GPD1L: variants seen among roughly 807,000 people sequenced by gnomAD.
GPD1L encodes glycerol-3-phosphate dehydrogenase 1 like.
GPD1L carries 17 observed loss-of-function variants against 32.9 expected under a neutral mutation model. The ratio of observed to expected loss-of-function variants is 0.52; its 90% CI spans 0.35 to 0.78. The LOEUF is 0.78. GPD1L is among the 30% of genes least tolerant of loss of function. The pLI is 0.01. For synonymous variants in GPD1L, 187 were observed against 165.9 expected (o/e 1.13, Z -0.98); for missense variants, 361 against 447.8 (o/e 0.81, Z 1.75).
At position 32,110,223 on chromosome 3, in the gene GPD1L, C is replaced by T. The variant is rs147804987; in HGVS notation, c.47+3465C>T. Among the ~76,000 whole-genome samples, 162 of 152,364 alleles carry T rather than the reference C, an allele frequency of 1.1e-3. 1 individual carries two copies. Among genetic ancestry groups the T allele is most frequent in the African/African-American group, 3.8e-3 (156 of 41,588 alleles). ...GTAAGCCACTGCGCCCGGCCTAAATCGTGTTTCTTAAATTGTGGTCCCAAG... is the reference window on the plus strand; with the variant it reads ...GTAAGCCACTGCGCCCGGCCTAAATTGTGTTTCTTAAATTGTGGTCCCAAG... On this transcript the variant is annotated intron_variant, in intron 1 of 7. Coordinates refer to ENST00000282541, the MANE Select transcript of GPD1L (RefSeq NM_015141.4).
At chr3:32,121,393 G>A (rs1236006551) in intron 1 of GPD1L, among the ~76,000 whole-genome samples, 1 of 150,582 alleles carries the variant, frequency 6.6e-6, no homozygotes, top group Non-Finnish European at 1.5e-5. Flanking sequence ...CTCCTCCCCG[G>A]GTAAGGCCCA....
chr3:32,123,835 TAGATAGACAGAC>T (rs1466777086), intron 1 of GPD1L, among the ~76,000 whole-genome samples: 2,439 of 133,898 alleles, frequency 0.018, 33 homozygotes, highest in Admixed American at 0.043. Flanking sequence ...GATAGATAGA[TAGATAGACAGAC>T]AGATAAGACC....
chr3:32,139,993 A>C (rs1700717131), intron 3 of GPD1L, among the ~76,000 whole-genome samples: 1 of 152,198 alleles, frequency 6.6e-6, no homozygotes, highest in Admixed American at 6.5e-5. Flanking sequence ...ACTTGAGAGG[A>C]GACACACAGG....
chr3:32,160,510 A>G lies in GPD1L; in HGVS notation c.959+836A>G, dbSNP rs1262678598. Among the ~76,000 whole-genome samples the G allele has an allele frequency of 6.8e-5, 4 of 58,942 alleles. 1 individual carries two copies. Among genetic ancestry groups the G allele is most frequent in the Non-Finnish European group, 1.1e-4 (4 of 35,462 alleles). 38.7% of individuals were successfully genotyped at this position (58,942 alleles called of 152,430 possible). On this transcript the variant is annotated intron_variant, in intron 7 of 7. Transcript: ENST00000282541. ...ATGGATGATGGATGGGCGCATGGGT[A>G]GATGGGTGAGTGGATGGGTGGGATG...
At chr3:32,120,846 C>T (rs528471600) in intron 1 of GPD1L, among the ~76,000 whole-genome samples, 1 of 152,062 alleles carries the variant, frequency 6.6e-6, no homozygotes, top group Non-Finnish European at 1.5e-5. Context: ...TGAAGTAGTA[C>T]CTCCCCAGCC....
chr3:32,140,093 A>T, intron 3 of GPD1L, 135 bp from the exon 4 acceptor site: 1 of 854,874 alleles, frequency 1.2e-6, no homozygotes, highest in Non-Finnish European at 2.0e-6. Flanking sequence ...TTTAAGCTGT[A>T]CATAGGCAGT....
chr3:32,143,684 A>G (rs770738183), intron 4 of GPD1L, among the ~76,000 whole-genome samples: 6 of 152,032 alleles, frequency 3.9e-5, no homozygotes, highest in Non-Finnish European at 7.4e-5. Context: ...CTCTACAAAA[A>G]ATACAAAAAT....
intron 1 of GPD1L, among the ~76,000 whole-genome samples, chr3:32,126,753 G>A (rs1448959384): frequency 6.6e-6 from 1 of 152,190 alleles, no homozygotes; most frequent in East Asian, 1.9e-4. Flanking sequence ...TCTAATCATT[G>A]TGCAGAGCAG....
chr3:32,106,709 G>T lies in GPD1L; in HGVS notation c.-3G>T, dbSNP rs1488184178. ...GGTCCAGGCGGCTACATTCGGCCCG[G>T]CCATGGCAGCGGCGCCCCTGAAAGT... On this transcript the variant is annotated 5_prime_UTR_variant, in exon 1 of 8. Transcript: ENST00000282541. This position sits in a 1 kb window ranked among gnomAD's most constrained non-coding sequence, Gnocchi z 4.0. 3 of 1,561,970 alleles carry T rather than the reference G, an allele frequency of 1.9e-6. No homozygotes were observed. Among genetic ancestry groups the T allele is most frequent in the Admixed American group, 1.8e-5 (1 of 54,556 alleles).
At chr3:32,121,505 C>G (rs9817180) in intron 1 of GPD1L, among the ~76,000 whole-genome samples, 1 of 65,910 alleles carries the variant, frequency 1.5e-5, no homozygotes, top group Non-Finnish European at 2.4e-5. Context: ...ATATTTCTCT[C>G]TATATATATT....
At chr3:32,127,357 A>G (rs1700525368) in intron 1 of GPD1L, among the ~76,000 whole-genome samples, 1 of 152,236 alleles carries the variant, frequency 6.6e-6, no homozygotes, top group Admixed American at 6.5e-5. Context: ...CCCCATCAGC[A>G]GCTTCTGTGA....
chr3:32,164,975 G>T (rs1354265859), intron 7 of GPD1L, among the ~76,000 whole-genome samples: 2 of 152,170 alleles, frequency 1.3e-5, no homozygotes, highest in Non-Finnish European at 2.9e-5. Flanking sequence ...GGAGGCCGAG[G>T]TGGGTGGATC....
chr3:32,133,081 T>C (rs1575113120), intron 2 of GPD1L, among the ~76,000 whole-genome samples: 1 of 152,198 alleles, frequency 6.6e-6, no homozygotes, highest in Non-Finnish European at 1.5e-5. Flanking sequence ...GTCTTGAATC[T>C]GAGTACACAC....
intron 4 of GPD1L, among the ~76,000 whole-genome samples, chr3:32,144,074 T>A (rs1205562362): frequency 2.6e-5 from 4 of 152,158 alleles, no homozygotes; most frequent in Non-Finnish European, 5.9e-5. Flanking sequence ...CAGAGGTGAT[T>A]GGTGAGGTTT....
chr3:32,156,762 G>C (rs1478843317), intron 5 of GPD1L, among the ~76,000 whole-genome samples: 1 of 152,196 alleles, frequency 6.6e-6, no homozygotes, highest in Non-Finnish European at 1.5e-5. Context: ...CTGTGTACTA[G>C]AGAAGACATT....
chr3:32,121,624 T>TATTTC lies in GPD1L; in HGVS notation c.48-6452_48-6451insATTTC, dbSNP rs1553657530. ...ATTTCTATATATATTTCTATATATATTATATATATTTCTATATATATAATA... is the reference window on the plus strand; with the variant it reads ...ATTTCTATATATATTTCTATATATATATTTCTATATATATTTCTATATATATAATA... On this transcript the variant is annotated intron_variant, in intron 1 of 7. Coordinates refer to ENST00000282541, the MANE Select transcript of GPD1L (RefSeq NM_015141.4). Among the ~76,000 whole-genome samples the TATTTC allele has an allele frequency of 4.4e-4, 29 of 65,850 alleles. 2 individuals are homozygous for TATTTC. The highest frequency in any genetic ancestry group is 3.4e-3 in the African/African-American group (25 of 7,340). The allele number at this position is 65,850 out of a possible 152,430, so 43.2% of individuals were successfully genotyped here.
chr3:32,130,950 A>G (rs76834993), intron 2 of GPD1L, among the ~76,000 whole-genome samples: 4,375 of 152,164 alleles, frequency 0.029, 313 homozygotes, highest in East Asian at 0.26. Context: ...AGGAGGCGGA[A>G]GTTGCAGTGA....
intron 2 of GPD1L, among the ~76,000 whole-genome samples, chr3:32,132,900 A>G (rs1443711341): frequency 6.6e-6 from 1 of 152,222 alleles, no homozygotes; most frequent in East Asian, 1.9e-4. Context: ...AAGAATCATC[A>G]GATAAGGTCC....
chr3:32,138,555 G>T, intron 2 of GPD1L, 32 bp from the exon 3 acceptor site: 1 of 1,611,734 alleles, frequency 6.2e-7, no homozygotes. Flanking sequence ...GATATAAGAG[G>T]AGAAACGGTC....
Sources: allele counts gnomAD v4.1 joint callset (sites outside exome capture counted in the v4.1 genomes callset), GRCh38; gene constraint gnomAD v4.1.1; non-coding constraint Gnocchi (gnomAD v3.1); transcripts MANE v1.5; gene names NCBI Gene and HGNC (gene_info 2026-07-23, HGNC 2026-07-21).